The following PCDHB15 variants were observed in gnomAD, a reference collection of about 807,000 sequenced individuals.
The protein encoded by PCDHB15 is protocadherin beta 15, also known as protocadherin beta-15.
For synonymous variants in PCDHB15, 492 were observed against 447.9 expected (o/e 1.10, Z -1.24); for missense variants, 1,032 against 991.7 (o/e 1.04, Z -0.55).
At position 141,248,790 on chromosome 5, in the gene PCDHB15, A is replaced by T. The variant is rs193267251; in HGVS notation, c.*848A>T. The T allele has an allele frequency of 2.0e-5, 3 of 152,332 alleles. No individual in the cohort carries two copies. The highest frequency in any genetic ancestry group is 2.9e-5 in the Non-Finnish European group (2 of 68,032). The allele number at this position is 152,332 out of a possible 1,614,324, so 9.4% of individuals were successfully genotyped here. On this transcript the variant is annotated 3_prime_UTR_variant, in exon 1 of 1. Transcript: ENST00000231173. The stretch of plus-strand genomic sequence containing the variant: ...GAGCTTCTGATGGTACAGTATGCCA[A>T]CATCTACTTGTTTTGGATGGCAACA...
chr5:141,246,005 C>T lies in PCDHB15; in HGVS notation c.427C>T (p.Pro143Ser), dbSNP rs782628878. ...FPEREMTLKIPETSSLGTVFP... is the reference protein window; with the variant it reads ...FPEREMTLKISETSSLGTVFP... Reference sequence around the variant, plus strand: ...TGAAAGAGAAATGACCCTGAAAATCCCAGAAACTAGCTCCCTTGGGACTGT... The same window carrying T: ...TGAAAGAGAAATGACCCTGAAAATCTCAGAAACTAGCTCCCTTGGGACTGT... The change falls in exon 1 of 1, where the codon CCA becomes TCA. Residue 143 changes from proline (P) to serine (S), a missense_variant. Physicochemically the swap from Pro to Ser is moderately conservative, Grantham distance 74. Coordinates refer to ENST00000231173, the MANE Select transcript of PCDHB15 (RefSeq NM_018935.4). The T allele has an allele frequency of 6.2e-7, 1 of 1,614,102 alleles. No homozygotes were observed. Among genetic ancestry groups the T allele is most frequent in the Non-Finnish European group, 8.5e-7 (1 of 1,180,026 alleles).
rs1755273525 is a variant in PCDHB15 at position 141,246,759 on chromosome 5, A to T, written c.1181A>T (p.Lys394Ile). Residue 394 changes from lysine to isoleucine, a missense_variant, in exon 1 of 1, where the codon AAA (lysine) becomes ATA (isoleucine). Lys to Ile is a moderately radical substitution (Grantham distance 102). Coordinates refer to ENST00000231173, the MANE Select transcript of PCDHB15 (RefSeq NM_018935.4). ...SIQDDVPFKL[K>I]PSVENFYRLV... Reference sequence around the variant, plus strand: ...CAGGATGATGTTCCTTTTAAGCTAAAACCTTCTGTTGAGAATTTCTACAGG... The same window carrying T: ...CAGGATGATGTTCCTTTTAAGCTAATACCTTCTGTTGAGAATTTCTACAGG... The T allele has an allele frequency of 1.2e-6, 2 of 1,614,102 alleles. No individual in the cohort carries two copies. The highest frequency in any genetic ancestry group is 1.7e-6 in the Non-Finnish European group (2 of 1,179,966).
In PCDHB15 at chr5:141,245,756, G is replaced by C. The variant is rs782475073; in HGVS notation, c.178G>C (p.Ala60Pro). The C allele has an allele frequency of 1.2e-6, 2 of 1,614,096 alleles. No individual in the cohort carries two copies. The highest frequency in any genetic ancestry group is 8.5e-7 in the Non-Finnish European group (1 of 1,180,040). Residue 60 changes from alanine (A) to proline (P), a missense_variant, in exon 1 of 1, where the codon GCC becomes CCC. By Grantham distance (27) the Ala-to-Pro change is conservative (BLOSUM62 -1). Coordinates refer to ENST00000231173, the MANE Select transcript of PCDHB15 (RefSeq NM_018935.4). ...CCTAGGGCTGGGAGTGGGGGAGCTA[G>C]CCGAGCGGGGAGCCCGGGTAGTTTC... ...NDLGLGVGEL[A>P]ERGARVVSED...
Position 141,246,967 on chromosome 5 carries a change from C to G in PCDHB15, c.1389C>G (p.Asn463Lys). The stretch of plus-strand genomic sequence containing the variant: ...CCTACACCCTGTTCGTCCGCGAGAA[C>G]AACAGCCCCGCCCTGCACATCGGCA... ...QTSYTLFVRENNSPALHIGSV... is the reference protein window; with the variant it reads ...QTSYTLFVREKNSPALHIGSV... The change falls in exon 1 of 1, where the codon AAC becomes AAG. Residue 463 changes from asparagine (N) to lysine (K), a missense_variant. Coordinates refer to ENST00000231173, the MANE Select transcript of PCDHB15 (RefSeq NM_018935.4). The G allele has an allele frequency of 6.2e-7, 1 of 1,613,368 alleles. No individual in the cohort carries two copies. Among genetic ancestry groups the G allele is most frequent in the Non-Finnish European group, 8.5e-7 (1 of 1,180,028 alleles).
rs1554291883 is a variant in PCDHB15, at chr5:141,246,284, A to T, written c.706A>T (p.Asn236Tyr). 3.1e-6 allele frequency: 5 copies of T among 1,614,132 alleles called. No individual in the cohort carries two copies. In the South Asian group the frequency reaches 5.5e-5, roughly 18 times the overall value. ...VQILILVLDA[N>Y]DNAPEFVQAL... The stretch of plus-strand genomic sequence containing the variant: ...GATCCTCATCTTGGTCTTGGACGCC[A>T]ATGACAATGCCCCGGAGTTTGTGCA... Residue 236 changes from asparagine to tyrosine, a missense_variant, in exon 1 of 1, where the codon AAT (asparagine) becomes TAT (tyrosine). Coordinates refer to ENST00000231173, the MANE Select transcript of PCDHB15 (RefSeq NM_018935.4).
rs1554291767 is a variant in PCDHB15 at position 141,245,692 on chromosome 5, A to G, written c.114A>G (p.Glu38=). The change falls in exon 1 of 1, where the codon GAA becomes GAG. Residue 38 remains glutamate, a synonymous_variant. Coordinates refer to ENST00000231173, the MANE Select transcript of PCDHB15 (RefSeq NM_018935.4). ...WEPRRYSVME[E]TERGSFVANL... ...CCCGTCGCTATTCTGTGATGGAGGA[A>G]ACAGAGAGAGGTTCTTTTGTAGCCA... 1 of 1,614,168 alleles carries G rather than the reference A, an allele frequency of 6.2e-7. No homozygotes were observed. The highest frequency in any genetic ancestry group is 2.2e-5 in the East Asian group (1 of 44,880).
In PCDHB15 at chr5:141,245,842, G is replaced by A. The variant is rs1554291799; in HGVS notation, c.264G>A (p.Glu88=). The change falls in exon 1 of 1, where the codon GAG becomes GAA. Residue 88 remains glutamate (E), a synonymous_variant. Transcript: ENST00000231173. ...DLQTGQLILN[E]KLDREKLCGP... ...AGACCGGGCAGTTGATATTAAATGAGAAGCTGGACCGGGAGAAGCTGTGTG... is the reference window on the plus strand; with the variant it reads ...AGACCGGGCAGTTGATATTAAATGAAAAGCTGGACCGGGAGAAGCTGTGTG... 2 of 1,614,068 alleles carry A rather than the reference G, an allele frequency of 1.2e-6. No individual in the cohort carries two copies. The highest frequency in any genetic ancestry group is 1.7e-6 in the Non-Finnish European group (2 of 1,180,046).
Position 141,249,222 on chromosome 5 carries a change from T to A in PCDHB15, c.*1280T>A, listed in dbSNP as rs1248412599. On this transcript the variant is annotated 3_prime_UTR_variant, in exon 1 of 1. Transcript: ENST00000231173. ...AGTCTTCCGTGAGATGAAAATAAAT[T>A]TTGTTTAAGGACAGCAGCTTCAGCT... 3 of 152,152 alleles carry A rather than the reference T, an allele frequency of 2.0e-5. No homozygotes were observed. The highest frequency in any genetic ancestry group is 4.4e-5 in the Non-Finnish European group (3 of 68,044). 9.4% of individuals were successfully genotyped at this position (152,152 alleles called of 1,614,324 possible). A position where few individuals can be genotyped will look rare whatever the true frequency, so the allele number is the denominator to read the frequency against.
chr5:141,248,260 C>T lies in PCDHB15; in HGVS notation c.*318C>T, dbSNP rs139445585. On this transcript the variant is annotated 3_prime_UTR_variant, in exon 1 of 1. Transcript: ENST00000231173. ...TTACCTTTCACACTATATGACACTA[C>T]ATAAGAATGTATGATTTTTGAAGTC... 4.2e-4 allele frequency: 78 copies of T among 187,094 alleles called. 1 individual carries two copies. The highest frequency in any genetic ancestry group is 8.0e-4 in the Non-Finnish European group (66 of 82,080). 11.6% of individuals were successfully genotyped at this position (187,094 alleles called of 1,614,324 possible).
Position 141,247,296 on chromosome 5 carries a change from C to T in PCDHB15, c.1718C>T (p.Thr573Ile), listed in dbSNP as rs1554292165. 4 of 1,609,582 alleles carry T rather than the reference C, an allele frequency of 2.5e-6. No individual in the cohort carries two copies. Among genetic ancestry groups the T allele is most frequent in the Non-Finnish European group, 2.5e-6 (3 of 1,179,082 alleles). ...YPLQNGSAPC[T>I]ELVPRAAEPG... is the part of the protein sequence containing the mutation. Reference sequence around the variant, plus strand: ...CTGCAGAACGGCTCCGCGCCCTGCACCGAGCTGGTGCCCCGGGCGGCCGAG... The same window carrying T: ...CTGCAGAACGGCTCCGCGCCCTGCATCGAGCTGGTGCCCCGGGCGGCCGAG... The change falls in exon 1 of 1, where the codon ACC becomes ATC. Residue 573 changes from threonine to isoleucine, a missense_variant. Physicochemically the swap from Thr to Ile is moderately conservative, Grantham distance 89. Transcript: ENST00000231173.
At position 141,246,252 on chromosome 5, in the gene PCDHB15, C is replaced by T. The variant is rs782498225; in HGVS notation, c.674C>T (p.Thr225Ile). Residue 225 changes from threonine to isoleucine, a missense_variant, in exon 1 of 1, where the codon ACC (threonine) becomes ATC (isoleucine). Coordinates refer to ENST00000231173, the MANE Select transcript of PCDHB15 (RefSeq NM_018935.4). ...VDGGSPPRSG[T>I]VQILILVLDA... The stretch of plus-strand genomic sequence containing the variant: ...GGTGGCTCTCCACCCCGATCTGGCA[C>T]CGTCCAGATCCTCATCTTGGTCTTG... 6.2e-7 allele frequency: 1 copy of T among 1,614,152 alleles called. No individual in the cohort carries two copies. The highest frequency in any genetic ancestry group is 8.5e-7 in the Non-Finnish European group (1 of 1,180,012).
In PCDHB15 at chr5:141,245,483, G is replaced by T. The variant is rs918819274; in HGVS notation, c.-96G>T. 115 of 1,049,326 alleles carry T rather than the reference G, an allele frequency of 1.1e-4. 1 individual carries two copies. The highest frequency in any genetic ancestry group is 1.4e-4 in the Non-Finnish European group (102 of 714,786). 65.0% of individuals were successfully genotyped at this position (1,049,326 alleles called of 1,614,324 possible). A position where few individuals can be genotyped will look rare whatever the true frequency, so the allele number is the denominator to read the frequency against. On this transcript the variant is annotated 5_prime_UTR_variant, in exon 1 of 1. Coordinates refer to ENST00000231173, the MANE Select transcript of PCDHB15 (RefSeq NM_018935.4). ...GCTATTCTCCTACATTTCCGAACAG[G>T]TTATCAACGCACAGATCGATCACTG...
chr5:141,247,025 A>G lies in PCDHB15; in HGVS notation c.1447A>G (p.Asn483Asp). ...VSATDRDSGTNAQVTYSLLPP... is the reference protein window; with the variant it reads ...VSATDRDSGTDAQVTYSLLPP... Reference sequence around the variant, plus strand: ...CGCCACAGACAGAGACTCGGGCACCAACGCCCAGGTCACCTACTCGCTGCT... The same window carrying G: ...CGCCACAGACAGAGACTCGGGCACCGACGCCCAGGTCACCTACTCGCTGCT... The change falls in exon 1 of 1, where the codon AAC becomes GAC. Residue 483 changes from asparagine to aspartate, a missense_variant. Coordinates refer to ENST00000231173, the MANE Select transcript of PCDHB15 (RefSeq NM_018935.4). 3.1e-6 allele frequency: 5 copies of G among 1,613,588 alleles called. No homozygotes were observed. The highest frequency in any genetic ancestry group is 4.2e-6 in the Non-Finnish European group (5 of 1,180,038).
At position 141,245,526 on chromosome 5, in the gene PCDHB15, C is replaced by G. The variant is rs1316656269; in HGVS notation, c.-53C>G. 6 of 1,516,046 alleles carry G rather than the reference C, an allele frequency of 4.0e-6. No individual in the cohort carries two copies. Among genetic ancestry groups the G allele is most frequent in the Non-Finnish European group, 5.4e-6 (6 of 1,104,722 alleles). The allele number at this position is 1,516,046 out of a possible 1,614,324, so 93.9% of individuals were successfully genotyped here. On this transcript the variant is annotated 5_prime_UTR_variant, in exon 1 of 1. Transcript: ENST00000231173. The stretch of plus-strand genomic sequence containing the variant: ...GATCACTGCCTCTGTCCCATCGCTC[C>G]CTGAAGTAGCTCTGACTCCGGTTCC...
At position 141,247,297 on chromosome 5, in the gene PCDHB15, C is replaced by G. The variant is rs781885827; in HGVS notation, c.1719C>G (p.Thr573=). 3.1e-6 allele frequency: 5 copies of G among 1,609,280 alleles called. No individual in the cohort carries two copies. Among genetic ancestry groups the G allele is most frequent in the Middle Eastern group, 4.5e-4 (2 of 4,432 alleles). Residue 573 remains threonine (T), a synonymous_variant, in exon 1 of 1, where the codon ACC becomes ACG. Coordinates refer to ENST00000231173, the MANE Select transcript of PCDHB15 (RefSeq NM_018935.4). The stretch of plus-strand genomic sequence containing the variant: ...TGCAGAACGGCTCCGCGCCCTGCAC[C>G]GAGCTGGTGCCCCGGGCGGCCGAGC... ...YPLQNGSAPC[T]ELVPRAAEPG... is the part of the protein sequence containing the mutation.
chr5:141,248,155 T>C lies in PCDHB15; in HGVS notation c.*213T>C. On this transcript the variant is annotated 3_prime_UTR_variant, in exon 1 of 1. Coordinates refer to ENST00000231173, the MANE Select transcript of PCDHB15 (RefSeq NM_018935.4). ...TTTATATCAGGAAAGTTCATATTTC[T>C]GAATAAATTAATAGTATTCATTCCT... The C allele has an allele frequency of 2.4e-6, 1 of 409,080 alleles. No homozygotes were observed. Among genetic ancestry groups the C allele is most frequent in the Non-Finnish European group, 4.3e-6 (1 of 234,870 alleles). The allele number at this position is 409,080 out of a possible 1,614,324, so 25.3% of individuals were successfully genotyped here.
chr5:141,247,827 A>G lies in PCDHB15; in HGVS notation c.2249A>G (p.Gln750Arg). 2 of 1,614,214 alleles carry G rather than the reference A, an allele frequency of 1.2e-6. No individual in the cohort carries two copies. Among genetic ancestry groups the G allele is most frequent in the South Asian group, 1.1e-5 (1 of 91,086 alleles). The change falls in exon 1 of 1, where the codon CAG becomes CGG. Residue 750 changes from glutamine (Q) to arginine (R), a missense_variant. Coordinates refer to ENST00000231173, the MANE Select transcript of PCDHB15 (RefSeq NM_018935.4). ...SGTGTLSQSY[Q>R]YEVCLTGGSE... is the part of the protein sequence containing the mutation. Reference sequence around the variant, plus strand: ...ACCGGGACCCTTTCCCAGAGCTACCAGTACGAGGTGTGTCTGACGGGAGGC... The same window carrying G: ...ACCGGGACCCTTTCCCAGAGCTACCGGTACGAGGTGTGTCTGACGGGAGGC...
At position 141,245,846 on chromosome 5, in the gene PCDHB15, C is replaced by G. The variant is rs781946784; in HGVS notation, c.268C>G (p.Leu90Val). Residue 90 changes from leucine (L) to valine (V), a missense_variant, in exon 1 of 1, where the codon CTG becomes GTG. Leu to Val is a conservative substitution (Grantham distance 32, BLOSUM62 1). Coordinates refer to ENST00000231173, the MANE Select transcript of PCDHB15 (RefSeq NM_018935.4). ...CGGGCAGTTGATATTAAATGAGAAG[C>G]TGGACCGGGAGAAGCTGTGTGGCCC... The part of the protein sequence containing the change: ...QTGQLILNEK[L>V]DREKLCGPTE... 3 of 1,614,050 alleles carry G rather than the reference C, an allele frequency of 1.9e-6. No homozygotes were observed. The highest frequency in any genetic ancestry group is 3.3e-5 in the Admixed American group (2 of 60,004).
rs781936979 is a variant in PCDHB15, at chr5:141,247,964, G to C, written c.*22G>C. The C allele has an allele frequency of 8.4e-6, 13 of 1,539,120 alleles. No individual in the cohort carries two copies. Among genetic ancestry groups the C allele is most frequent in the Middle Eastern group, 1.8e-4 (1 of 5,692 alleles). On this transcript the variant is annotated 3_prime_UTR_variant, in exon 1 of 1. Coordinates refer to ENST00000231173, the MANE Select transcript of PCDHB15 (RefSeq NM_018935.4). The stretch of plus-strand genomic sequence containing the variant: ...ATAATGTAGGTATCTGTAGCTTTCC[G>C]ACCGTCTGTTAATTTTGTCTTCCTC...
Sources: allele counts gnomAD v4.1 joint callset, GRCh38; gene constraint gnomAD v4.1.1; transcripts MANE v1.5; gene names NCBI Gene and HGNC (gene_info 2026-07-23, HGNC 2026-07-21).